Variants in ZBTB17 observed in about 807,000 individuals in gnomAD.
The protein encoded by ZBTB17 is zinc finger and BTB domain-containing protein 17.
ZBTB17 carries 24 observed loss-of-function variants against 85.1 expected under a neutral mutation model. The observed-to-expected ratio is 0.28, with a 90% confidence interval of 0.20 to 0.40. The LOEUF (loss-of-function observed/expected upper bound fraction) is 0.40, where lower values mean the gene tolerates loss of function less well. Ranked by LOEUF, ZBTB17 falls within the 10% of genes least tolerant of loss-of-function variation. The pLI is 1.00. For missense variants in ZBTB17, 743 were observed against 1,105.1 expected (o/e 0.67, Z 4.65); for synonymous variants, 464 against 460.2 (o/e 1.01, Z -0.11).
chr1:15,971,474 CTATA>C lies in ZBTB17; in HGVS notation c.-3+1561_-3+1564del, dbSNP rs1158483484. Among the ~76,000 whole-genome samples the C allele has an allele frequency of 6.3e-5, 6 of 95,690 alleles. 1 individual carries two copies. Among genetic ancestry groups the C allele is most frequent in the African/African-American group, 1.1e-4 (3 of 26,740 alleles). 62.8% of individuals were successfully genotyped at this position (95,690 alleles called of 152,430 possible). ...CACACACACTATATATACACACACA[CTATA>C]TATATACACACACTATATATATATA... On this transcript the variant is annotated intron_variant, in intron 2 of 15. Transcript: ENST00000375743.
chr1:15,957,859 G>A (rs552423530), intron 2 of ZBTB17, among the ~76,000 whole-genome samples: 4 of 152,160 alleles, frequency 2.6e-5, no homozygotes, highest in African/African-American at 7.2e-5. Context: ...GCCCAGTGGC[G>A]GTGCCGCTTC....
intron 2 of ZBTB17, among the ~76,000 whole-genome samples, chr1:15,965,103 G>A (rs1444824781): frequency 2.8e-5 from 4 of 141,890 alleles, no homozygotes; most frequent in African/African-American, 7.9e-5. Context: ...AACAGAGTGA[G>A]ACTCCGTATC....
chr1:15,962,523 T>C (rs1382723094), intron 2 of ZBTB17, among the ~76,000 whole-genome samples: 2 of 152,092 alleles, frequency 1.3e-5, no homozygotes, highest in Non-Finnish European at 2.9e-5. Context: ...GTCACCCCCA[T>C]TGAGCAGATG....
At chr1:15,955,623 A>C (rs561970931) in intron 2 of ZBTB17, among the ~76,000 whole-genome samples, 26 of 152,180 alleles carry the variant, frequency 1.7e-4, no homozygotes, top group Non-Finnish European at 3.4e-4. Flanking sequence ...TATGATGCTG[A>C]CTTTGCTTTT....
intron 2 of ZBTB17, among the ~76,000 whole-genome samples, chr1:15,957,412 AGAGGAGGAGGTGTGTGGCACAGGGGCCG>A (rs1483184120): frequency 4.0e-5 from 6 of 151,518 alleles, no homozygotes. Context: ...GTGTGTGTGG[AGAGGAGGAGGTGTGTGGCACAGGGGCCG>A]GTGTATCTGG....
intron 2 of ZBTB17, among the ~76,000 whole-genome samples, chr1:15,961,704 C>T (rs1195498147): frequency 6.6e-6 from 1 of 152,214 alleles, no homozygotes; most frequent in African/African-American, 2.4e-5. Flanking sequence ...AGCAAAGCTG[C>T]TCCCACCCGC....
In ZBTB17 at chr1:15,944,689, G is replaced by A. The variant is rs761846378; in HGVS notation, c.1070+8C>T. 16 of 1,606,204 alleles carry A rather than the reference G, an allele frequency of 1.0e-5. No individual in the cohort carries two copies. The highest frequency in any genetic ancestry group is 1.2e-5 in the Non-Finnish European group (14 of 1,179,806). ...GGGCCGGGGTAGGAGGCCGGCTTGG[G>A]GCAGTACCTGTGCGTCTTCTCATGG... On this transcript the variant is annotated splice_region_variant and intron_variant, in intron 8 of 15. Coordinates refer to ENST00000375743, the MANE Select transcript of ZBTB17 (RefSeq NM_003443.3).
At chr1:15,955,981 G>A (rs2148787256) in intron 2 of ZBTB17, among the ~76,000 whole-genome samples, 1 of 152,314 alleles carries the variant, frequency 6.6e-6, no homozygotes, top group Non-Finnish European at 1.5e-5. Context: ...AGGGAAGGCT[G>A]GCAGGCCCTG....
intron 2 of ZBTB17, among the ~76,000 whole-genome samples, chr1:15,965,435 A>C (rs1156603665): frequency 1.3e-5 from 2 of 152,192 alleles, no homozygotes; most frequent in Non-Finnish European, 2.9e-5. Flanking sequence ...AGATTAGTAA[A>C]AATGTTGAAG....
chr1:15,944,151 G>T, intron 9 of ZBTB17, 149 bp downstream of exon 9: 1 of 1,239,994 alleles, frequency 8.1e-7, no homozygotes, highest in Non-Finnish European at 1.1e-6. Flanking sequence ...CCGCGGAAGT[G>T]GCTCTCGCTG....
At chr1:15,968,052 C>T (rs990286683) in intron 2 of ZBTB17, among the ~76,000 whole-genome samples, 10 of 152,092 alleles carry the variant, frequency 6.6e-5, no homozygotes, top group South Asian at 2.1e-4. Flanking sequence ...AGGCCAGAGA[C>T]GCTACAGAAA....
chr1:15,942,736 C>T lies in ZBTB17; in HGVS notation c.1831G>A (p.Glu611Lys). The T allele has an allele frequency of 1.2e-6, 2 of 1,613,142 alleles. No individual in the cohort carries two copies. The highest frequency in any genetic ancestry group is 1.1e-5 in the South Asian group (1 of 91,060). Residue 611 changes from glutamate to lysine, a missense_variant and splice_region_variant, in exon 14 of 16, where the codon GAG becomes AAG. Glu to Lys is a moderately conservative substitution (Grantham distance 56). Around this residue, in one of 4 missense-constraint regions of ZBTB17, gnomAD observed 321 missense variants for 615.7 expected, o/e 0.52. Coordinates refer to ENST00000375743, the MANE Select transcript of ZBTB17 (RefSeq NM_003443.3). ...LSKHIIIHTG[E>K]KPYLCDKCGR... ...CACTTATCACACAGGTAAGGCTTCTCTCCTGGGGGAGCAAGGTTCTCTCTT... is the reference window on the plus strand; with the variant it reads ...CACTTATCACACAGGTAAGGCTTCTTTCCTGGGGGAGCAAGGTTCTCTCTT...
intron 2 of ZBTB17, among the ~76,000 whole-genome samples, chr1:15,954,326 A>G (rs895436121): frequency 1.3e-5 from 2 of 152,180 alleles, no homozygotes; most frequent in African/African-American, 4.8e-5. Flanking sequence ...AGGGTTTCCA[A>G]ACTGCCACAA....
intron 2 of ZBTB17, among the ~76,000 whole-genome samples, chr1:15,954,120 C>A (rs1384833715): frequency 1.3e-5 from 2 of 152,144 alleles, no homozygotes; most frequent in East Asian, 3.9e-4. Flanking sequence ...ACATCTAGAG[C>A]TATTGTCTCT....
rs2148780488 is a variant in ZBTB17 at position 15,952,885 on chromosome 1, A to C, written c.-2-4388T>G. The C allele has an allele frequency of 6.6e-6, 1 of 152,490 alleles. No individual in the cohort carries two copies. The highest frequency in any genetic ancestry group is 1.5e-5 in the Non-Finnish European group (1 of 68,168). The allele number at this position is 152,490 out of a possible 1,614,324, so 9.4% of individuals were successfully genotyped here. ...GGAGCAAGCGACTGCCTGTCCACCC[A>C]TCCAACTAAGAAAGACTGACTCACC... On this transcript the variant is annotated intron_variant, in intron 2 of 15. Transcript: ENST00000375743. The surrounding 1 kb of genome is among the most constrained non-coding windows in gnomAD (Gnocchi z 4.3).
rs1166621121 is a variant in ZBTB17 at position 15,951,380 on chromosome 1, C to T, written c.-2-2883G>A. On this transcript the variant is annotated intron_variant, in intron 2 of 15. Coordinates refer to ENST00000375743, the MANE Select transcript of ZBTB17 (RefSeq NM_003443.3). The surrounding 1 kb of genome is among the most constrained non-coding windows in gnomAD (Gnocchi z 4.1). ...AGAGAGATCAGCAGCAGCTGAAATG[C>T]GCTTACCAGTACAATCTGGGACTGG... 1.3e-5 allele frequency among the ~76,000 whole-genome samples: 2 copies of T among 152,094 alleles called. No homozygotes were observed. The highest frequency in any genetic ancestry group is 4.8e-5 in the African/African-American group (2 of 41,406).
At position 15,945,032 on chromosome 1, in the gene ZBTB17, GC is replaced by G; in HGVS notation, c.831del (p.Gln278ArgfsTer82). On this transcript the variant is annotated frameshift_variant, in exon 7 of 16. Coordinates refer to ENST00000375743, the MANE Select transcript of ZBTB17 (RefSeq NM_003443.3). LOFTEE classifies it high-confidence loss of function. ...ENEESAGTDS[G>X]QELGSEARGL... ...CCCCGGGCCTCGGAGCCGAGCTCCT[GC>G]CCCGAGTCTGTGCCCGCTGACTCCT... The G allele has an allele frequency of 6.2e-7, 1 of 1,607,492 alleles. No individual in the cohort carries two copies. Among genetic ancestry groups the G allele is most frequent in the Non-Finnish European group, 8.5e-7 (1 of 1,178,016 alleles).
intron 2 of ZBTB17, among the ~76,000 whole-genome samples, chr1:15,962,765 C>A (rs180839117): frequency 6.6e-6 from 1 of 152,186 alleles, no homozygotes; most frequent in Admixed American, 6.5e-5. Context: ...CTAATGAGTG[C>A]GATAAAACAT....
At chr1:15,947,990 G>C (rs2071682952) in intron 3 of ZBTB17, among the ~76,000 whole-genome samples, 1 of 152,164 alleles carries the variant, frequency 6.6e-6, no homozygotes, top group South Asian at 2.1e-4. Flanking sequence ...AGGGGCCAGA[G>C]GGCATAGAGC....
Sources: gnomAD v4.1 joint callset for allele counts (sites outside exome capture counted in the v4.1 genomes callset) on GRCh38, gnomAD v4.1.1 for gene constraint, gnomAD v4.1.1 regional missense constraint, Gnocchi (gnomAD v3.1) non-coding constraint, MANE v1.5 for transcripts, NCBI Gene and HGNC (gene_info 2026-07-23, HGNC 2026-07-21) for gene names.